The following LRRC37A2 variants were observed in gnomAD, a reference collection of about 807,000 sequenced individuals.
LRRC37A2 encodes leucine rich repeat containing 37 member A2.
LRRC37A2 carries 9 observed loss-of-function variants against 68.8 expected under a neutral mutation model. That is an observed-to-expected ratio of 0.13 (90% confidence interval 0.08 to 0.23). The LOEUF is 0.23. Among genes scored for constraint, LRRC37A2 ranks in the 10% least tolerant of loss-of-function variants. LRRC37A2 has a pLI of 1.00. For missense variants in LRRC37A2, 168 were observed against 950.4 expected (o/e 0.18, Z 10.82); for synonymous variants, 63 against 367.6 (o/e 0.17, Z 9.48).
chr17:46,873,975 T>C, the LRRC37A2 span, among the ~76,000 whole-genome samples: 16 of 141,776 alleles, frequency 1.1e-4, 1 homozygote, highest in East Asian at 2.5e-3. Flanking sequence ...GGAGACAGAA[T>C]GAGACTCTGT....
chr17:46,560,553 C>T (rs1382115079), downstream of LRRC37A2: 1 of 54,922 alleles, frequency 1.8e-5, no homozygotes, highest in African/African-American at 7.6e-5. Flanking sequence ...CAGGGGTCCA[C>T]ATGGACTTAA....
chr17:46,418,237 G>A, the LRRC37A2 span, among the ~76,000 whole-genome samples: 8 of 66,928 alleles, frequency 1.2e-4, 1 homozygote, highest in African/African-American at 2.8e-4. Flanking sequence ...GTGTGTGTGC[G>A]CGCGCGCGTG....
the LRRC37A2 span, among the ~76,000 whole-genome samples, chr17:46,718,377 G>A: frequency 3.9e-5 from 6 of 152,044 alleles, no homozygotes; most frequent in African/African-American, 1.4e-4. Context: ...AACTACAAGA[G>A]TGGAAATTGA....
the LRRC37A2 span, among the ~76,000 whole-genome samples, chr17:46,908,267 C>G: frequency 4.6e-5 from 7 of 152,068 alleles, no homozygotes; most frequent in African/African-American, 1.2e-4. Flanking sequence ...TCATGGCCCG[C>G]AGCGGGAAGG....
At chr17:46,788,880 C>T in the LRRC37A2 span, among the ~76,000 whole-genome samples, 1 of 152,198 alleles carries the variant, frequency 6.6e-6, no homozygotes, top group South Asian at 2.1e-4. Flanking sequence ...TGGCCATGGC[C>T]CTGCTGGCTC....
chr17:46,928,471 G>A, the LRRC37A2 span, among the ~76,000 whole-genome samples: 10 of 152,140 alleles, frequency 6.6e-5, no homozygotes, highest in Non-Finnish European at 1.3e-4. Flanking sequence ...ACCGGGAAGT[G>A]GATGGTGGGG....
At chr17:47,043,312 A>G in the LRRC37A2 span, among the ~76,000 whole-genome samples, 1 of 152,024 alleles carries the variant, frequency 6.6e-6, no homozygotes, top group Non-Finnish European at 1.5e-5. Context: ...CATTTGTTAA[A>G]TGCCTAATAC....
At chr17:47,012,217 TTTA>T in the LRRC37A2 span, among the ~76,000 whole-genome samples, 1 of 152,186 alleles carries the variant, frequency 6.6e-6, no homozygotes, top group Non-Finnish European at 1.5e-5. Flanking sequence ...TTTTTGTCAA[TTTA>T]TTATTATTAT....
the LRRC37A2 span, chr17:47,019,820 A>C: frequency 2.2e-5 from 29 of 1,347,840 alleles, 1 homozygote; most frequent in South Asian, 3.3e-4. Flanking sequence ...ACCTTTCCTC[A>C]ATTGCCCTCT....
the LRRC37A2 span, among the ~76,000 whole-genome samples, chr17:46,709,252 C>G: frequency 2.0e-5 from 3 of 151,932 alleles, no homozygotes; most frequent in Admixed American, 2.0e-4. Context: ...TCAAAAGTAA[C>G]TCCAAGATTT....
chr17:46,734,115 G>T, the LRRC37A2 span, among the ~76,000 whole-genome samples: 1 of 152,104 alleles, frequency 6.6e-6, no homozygotes, highest in South Asian at 2.1e-4. Flanking sequence ...TTCAGATATG[G>T]TTATAGGACA....
chr17:47,018,120 T>A, the LRRC37A2 span: 1 of 1,545,726 alleles, frequency 6.5e-7, no homozygotes, highest in East Asian at 2.2e-5. Flanking sequence ...TACCATAACT[T>A]CAGAGCCTAC....
the LRRC37A2 span, among the ~76,000 whole-genome samples, chr17:47,003,625 T>C: frequency 2.7e-3 from 414 of 152,356 alleles, 2 homozygotes; most frequent in African/African-American, 9.6e-3. Flanking sequence ...TAGCATGTTC[T>C]TTTTTTAATT....
At chr17:46,853,363 CTTTTT>C in the LRRC37A2 span, among the ~76,000 whole-genome samples, 40 of 78,906 alleles carry the variant, frequency 5.1e-4, no homozygotes, top group Non-Finnish European at 5.4e-4. Flanking sequence ...ATGCTAGTGA[CTTTTT>C]TTTTTTTTTT....
chr17:47,011,823 T>C, the LRRC37A2 span, among the ~76,000 whole-genome samples: 6 of 152,184 alleles, frequency 3.9e-5, no homozygotes. Flanking sequence ...TATGCATCCC[T>C]GGATAGAATA....
chr17:46,818,430 T>C, the LRRC37A2 span: 1 of 1,360,310 alleles, frequency 7.4e-7, no homozygotes, highest in Non-Finnish European at 1.0e-6. Flanking sequence ...GCCCCAGCCC[T>C]GCAGCGGCCC....
the LRRC37A2 span, among the ~76,000 whole-genome samples, chr17:47,002,396 T>A: frequency 6.6e-6 from 1 of 151,740 alleles, no homozygotes; most frequent in African/African-American, 2.4e-5. Flanking sequence ...TTATTTTTTT[T>A]TTTTAGTTTT....
chr17:46,851,870 C>T, the LRRC37A2 span, among the ~76,000 whole-genome samples: 1 of 152,212 alleles, frequency 6.6e-6, no homozygotes, highest in African/African-American at 2.4e-5. The surrounding 1 kb of genome is among the most constrained non-coding windows in gnomAD (Gnocchi z 4.3). Context: ...ACTTCGCAGT[C>T]GGAGTTCGCG....
chr17:46,764,231 C>G, the LRRC37A2 span: 1 of 152,634 alleles, frequency 6.6e-6, no homozygotes, highest in Non-Finnish European at 1.5e-5. Context: ...GGAAACAGAA[C>G]CTTGCCCATG....
Sources: gnomAD v4.1 joint callset for allele counts (sites outside exome capture counted in the v4.1 genomes callset) on GRCh38, gnomAD v4.1.1 for gene constraint, Gnocchi (gnomAD v3.1) non-coding constraint, MANE v1.5 for transcripts, NCBI Gene and HGNC (gene_info 2026-07-23, HGNC 2026-07-21) for gene names.